Variants in SNTB2 observed in about 807,000 individuals in gnomAD.
SNTB2 encodes the protein syntrophin beta 2, also known as beta-2-syntrophin.
A neutral mutation model predicts 46.2 loss-of-function variants in SNTB2; 34 were observed. That is an observed-to-expected ratio of 0.74 (90% CI 0.56 to 0.98). The LOEUF (loss-of-function observed/expected upper bound fraction) is 0.98, where lower values mean the gene tolerates loss of function less well. SNTB2 is among the 50% of genes least tolerant of loss of function. SNTB2 has a pLI of 0.00. For synonymous variants in SNTB2, 290 were observed against 312.6 expected (o/e 0.93, Z 0.76); for missense variants, 603 against 731.4 (o/e 0.82, Z 2.02).
At chr16:69,249,923 A>T (rs1310135391) in intron 2 of SNTB2, among the ~76,000 whole-genome samples, 1 of 151,954 alleles carries the variant, frequency 6.6e-6, no homozygotes, top group Non-Finnish European at 1.5e-5. Flanking sequence ...ACATGGTGAA[A>T]CCCCGTTTCT....
chr16:69,233,869 C>G (rs142173939), intron 1 of SNTB2, among the ~76,000 whole-genome samples: 2 of 152,106 alleles, frequency 1.3e-5, no homozygotes, highest in East Asian at 1.9e-4. Flanking sequence ...CCTAATTACT[C>G]AAGCGGCTGA....
chr16:69,216,018 G>T (rs1377984341), intron 1 of SNTB2, among the ~76,000 whole-genome samples: 1 of 152,164 alleles, frequency 6.6e-6, no homozygotes, highest in Non-Finnish European at 1.5e-5. Flanking sequence ...GTCTTACCAT[G>T]TTACCCAGGC....
intron 1 of SNTB2, among the ~76,000 whole-genome samples, chr16:69,192,467 C>T (rs1964064562): frequency 6.6e-6 from 1 of 152,080 alleles, no homozygotes; most frequent in African/African-American, 2.4e-5. Context: ...TTGTAAAGCA[C>T]TTAAGCCATG....
At chr16:69,189,466 A>T (rs993556363) in intron 1 of SNTB2, among the ~76,000 whole-genome samples, 1 of 152,110 alleles carries the variant, frequency 6.6e-6, no homozygotes, top group Non-Finnish European at 1.5e-5. Context: ...AACACAAAAA[A>T]CCTTTTGGCC....
At chr16:69,255,243 G>A (rs1042149289) in intron 2 of SNTB2, among the ~76,000 whole-genome samples, 2 of 151,896 alleles carry the variant, frequency 1.3e-5, no homozygotes, top group Non-Finnish European at 2.9e-5. Context: ...GACTGCAGAT[G>A]TATGTCACCA....
intron 4 of SNTB2, among the ~76,000 whole-genome samples, chr16:69,277,459 C>G (rs773165071): frequency 2.0e-5 from 3 of 152,110 alleles, no homozygotes; most frequent in Admixed American, 6.6e-5. Flanking sequence ...TAAAAAAGAT[C>G]CATTGAAATT....
chr16:69,188,517 A>G (rs1210365722), intron 1 of SNTB2, among the ~76,000 whole-genome samples: 1 of 152,212 alleles, frequency 6.6e-6, no homozygotes, highest in African/African-American at 2.4e-5. Context: ...GTTAAGTTAT[A>G]TGTATGTGAT....
intron 1 of SNTB2, among the ~76,000 whole-genome samples, chr16:69,213,474 T>C (rs1964310357): frequency 6.6e-6 from 1 of 151,752 alleles, no homozygotes; most frequent in African/African-American, 2.4e-5. Context: ...ATTCTAATAG[T>C]CTGTACTATG....
At chr16:69,223,804 A>G (rs947156308) in intron 1 of SNTB2, among the ~76,000 whole-genome samples, 1 of 151,750 alleles carries the variant, frequency 6.6e-6, no homozygotes, top group Admixed American at 6.6e-5. Context: ...AGTTTTTTGT[A>G]TTTTGTTTGT....
intron 1 of SNTB2, among the ~76,000 whole-genome samples, chr16:69,194,725 C>T (rs976029776): frequency 5.3e-5 from 8 of 152,102 alleles, no homozygotes; most frequent in Non-Finnish European, 1.2e-4. Flanking sequence ...CACCTCAGAC[C>T]TGTACCCAGG....
intron 1 of SNTB2, among the ~76,000 whole-genome samples, chr16:69,216,203 C>T (rs2152292918): frequency 6.6e-6 from 1 of 152,276 alleles, no homozygotes; most frequent in South Asian, 2.1e-4. Context: ...AGCTCCTGCT[C>T]TTTACCATGT....
intron 5 of SNTB2, among the ~76,000 whole-genome samples, chr16:69,297,306 CAAAAAAAAAAAAAAAAA>C (rs60543622): frequency 6.6e-5 from 3 of 45,736 alleles, no homozygotes; most frequent in African/African-American, 3.0e-4. Flanking sequence ...GATTCTATCT[CAAAAAAAAAAAAAAAAA>C]AAAAAAAAAA....
chr16:69,260,277 G>A lies in SNTB2; in HGVS notation c.1005+17G>A. 1 of 1,611,980 alleles carries A rather than the reference G, an allele frequency of 6.2e-7. No individual in the cohort carries two copies. The highest frequency in any genetic ancestry group is 8.5e-7 in the Non-Finnish European group (1 of 1,178,618). Reference sequence around the variant, plus strand: ...GCAGAACAGGTAGGCTGGGAGGCAGGGCAGAGTATCACCTGGTTCCCATTC... The same window carrying A: ...GCAGAACAGGTAGGCTGGGAGGCAGAGCAGAGTATCACCTGGTTCCCATTC... On this transcript the variant is annotated intron_variant, in intron 3 of 6. Transcript: ENST00000336278.
At chr16:69,213,598 C>G (rs1056456654) in intron 1 of SNTB2, among the ~76,000 whole-genome samples, 1 of 151,812 alleles carries the variant, frequency 6.6e-6, no homozygotes, top group African/African-American at 2.4e-5. Flanking sequence ...CTCCTGGGTT[C>G]AAGTGATTCT....
intron 4 of SNTB2, among the ~76,000 whole-genome samples, chr16:69,274,686 G>C (rs924522600): frequency 6.6e-6 from 1 of 151,176 alleles, no homozygotes; most frequent in Non-Finnish European, 1.5e-5. Context: ...GCTCTTAGCT[G>C]GGTGCCATGG....
intron 4 of SNTB2, among the ~76,000 whole-genome samples, chr16:69,270,572 G>T (rs931737103): frequency 6.6e-6 from 1 of 151,998 alleles, no homozygotes. Flanking sequence ...AAGATTATAG[G>T]GTTTTTTTTT....
chr16:69,195,739 C>G (rs1259430375), intron 1 of SNTB2, among the ~76,000 whole-genome samples: 1 of 152,124 alleles, frequency 6.6e-6, no homozygotes, highest in Admixed American at 6.6e-5. Context: ...CTCACATTAT[C>G]AGTTTGGAGA....
intron 2 of SNTB2, among the ~76,000 whole-genome samples, chr16:69,256,559 G>C (rs1020394558): frequency 2.6e-5 from 4 of 152,110 alleles, no homozygotes; most frequent in African/African-American, 9.7e-5. Flanking sequence ...CATGAAAGTA[G>C]GCTCATATGT....
chr16:69,295,431 G>A (rs2143195443), intron 5 of SNTB2, among the ~76,000 whole-genome samples: 1 of 151,498 alleles, frequency 6.6e-6, no homozygotes, highest in South Asian at 2.1e-4. Flanking sequence ...TGTATTTTTA[G>A]TAGAGACAGG....
Sources: gnomAD v4.1 joint callset for allele counts (sites outside exome capture counted in the v4.1 genomes callset) on GRCh38, gnomAD v4.1.1 for gene constraint, MANE v1.5 for transcripts, NCBI Gene and HGNC (gene_info 2026-07-23, HGNC 2026-07-21) for gene names.